TDRD5: variants seen among roughly 807,000 people sequenced by gnomAD.
The protein encoded by TDRD5 is tudor domain-containing protein 5.
Under a neutral mutation model 120.6 loss-of-function variants are expected in TDRD5, and 41 were observed. The observed-to-expected ratio is 0.34, with a 90% CI of 0.26 to 0.44. The LOEUF (loss-of-function observed/expected upper bound fraction) is 0.44. TDRD5 is among the 20% of genes least tolerant of loss of function. The probability of loss-of-function intolerance (pLI) is 1.00; values close to 1 mark genes in which losing one functional copy is unlikely to be tolerated. For synonymous variants in TDRD5, 430 were observed against 433.7 expected, an observed-to-expected ratio of 0.99 and a Z score of 0.11; for missense variants, 1,006 against 1,221.2, an observed-to-expected ratio of 0.82 and a Z score of 2.63.
chr1:179,677,078 G>A (rs1558425591), intron 17 of TDRD5, among the ~76,000 whole-genome samples: 1 of 152,102 alleles, frequency 6.6e-6, no homozygotes. Context: ...TGATGGATCA[G>A]GTTAATTCAA....
intron 5 of TDRD5, among the ~76,000 whole-genome samples, chr1:179,619,316 T>G (rs890634593): frequency 6.6e-6 from 1 of 152,218 alleles, no homozygotes; most frequent in Admixed American, 6.5e-5. Flanking sequence ...GTCACATATA[T>G]TTTTTATGTG....
At chr1:179,675,436 C>T (rs1256099750) in intron 17 of TDRD5, among the ~76,000 whole-genome samples, 4 of 149,690 alleles carry the variant, frequency 2.7e-5, no homozygotes, top group African/African-American at 4.9e-5. Flanking sequence ...CCCACCACCA[C>T]GCCCGGCTAA....
chr1:179,656,806 C>T (rs1213686262), intron 14 of TDRD5, among the ~76,000 whole-genome samples: 1 of 152,174 alleles, frequency 6.6e-6, no homozygotes, highest in Non-Finnish European at 1.5e-5. Flanking sequence ...AATCCTAGCA[C>T]TTTGGGAGGC....
intron 17 of TDRD5, among the ~76,000 whole-genome samples, chr1:179,676,737 C>T (rs1437345467): frequency 6.6e-6 from 1 of 152,174 alleles, no homozygotes; most frequent in Non-Finnish European, 1.5e-5. Flanking sequence ...GATAGATTTT[C>T]CTTTGTAGGT....
At chr1:179,634,028 C>T (rs1026905933) in intron 7 of TDRD5, among the ~76,000 whole-genome samples, 4 of 151,606 alleles carry the variant, frequency 2.6e-5, no homozygotes, top group Non-Finnish European at 4.4e-5. Context: ...GAAATTAGCC[C>T]GGCATGGTGG....
At chr1:179,679,127 GTTGC>G (rs1680298237) in intron 17 of TDRD5, among the ~76,000 whole-genome samples, 1 of 152,120 alleles carries the variant, frequency 6.6e-6, no homozygotes, top group South Asian at 2.1e-4. Flanking sequence ...TGGTTATGCT[GTTGC>G]TTGTTTTAAT....
chr1:179,617,686 C>G (rs1452253817), intron 4 of TDRD5, among the ~76,000 whole-genome samples: 2 of 151,866 alleles, frequency 1.3e-5, no homozygotes, highest in Non-Finnish European at 2.9e-5. Context: ...TACAATCTTT[C>G]ACTCTGCTTT....
chr1:179,615,490 A>G (rs978420227), intron 4 of TDRD5, among the ~76,000 whole-genome samples: 5 of 152,116 alleles, frequency 3.3e-5, no homozygotes, highest in Admixed American at 1.3e-4. Flanking sequence ...CTGAGGTCCT[A>G]TAAGCTCCTA....
At chr1:179,666,778 C>T (rs1679576608) in intron 16 of TDRD5, among the ~76,000 whole-genome samples, 1 of 152,176 alleles carries the variant, frequency 6.6e-6, no homozygotes, top group Non-Finnish European at 1.5e-5. Context: ...TAAGAGTACT[C>T]CAGTTTGTCC....
intron 11 of TDRD5, among the ~76,000 whole-genome samples, chr1:179,640,884 C>T (rs1040163707): frequency 1.3e-4 from 20 of 152,266 alleles, no homozygotes; most frequent in African/African-American, 4.6e-4. Flanking sequence ...AAATAGGAGC[C>T]TAATGTGAAG....
chr1:179,637,356 A>G (rs550062434), intron 9 of TDRD5, among the ~76,000 whole-genome samples: 1 of 152,300 alleles, frequency 6.6e-6, no homozygotes, highest in Non-Finnish European at 1.5e-5. Flanking sequence ...GCCTAGTTGT[A>G]TTATCTCCAA....
intron 5 of TDRD5, among the ~76,000 whole-genome samples, chr1:179,620,379 A>C (rs2101970593): frequency 6.6e-6 from 1 of 152,298 alleles, no homozygotes; most frequent in African/African-American, 2.4e-5. Flanking sequence ...AGTATGCAGA[A>C]CTCAAGCATG....
chr1:179,620,110 C>T (rs12025031), intron 5 of TDRD5, among the ~76,000 whole-genome samples: 13,683 of 152,072 alleles, frequency 0.09, 680 homozygotes, highest in Middle Eastern at 0.12. Flanking sequence ...ATAGTGTGTT[C>T]AGAATTGTTC....
At chr1:179,669,115 T>C in intron 16 of TDRD5, 79 bp from the exon 17 acceptor site, 1 of 1,266,554 alleles carries the variant, frequency 7.9e-7, no homozygotes, top group Non-Finnish European at 1.1e-6. Context: ...TGTATTTTGC[T>C]TATAAGTAAG....
chr1:179,655,065 T>C (rs1678928146), intron 14 of TDRD5, among the ~76,000 whole-genome samples: 1 of 152,220 alleles, frequency 6.6e-6, no homozygotes, highest in Non-Finnish European at 1.5e-5. Flanking sequence ...CCCCTATATT[T>C]CCTGTTTCCC....
At chr1:179,668,322 C>A (rs1003193722) in intron 16 of TDRD5, among the ~76,000 whole-genome samples, 1 of 152,170 alleles carries the variant, frequency 6.6e-6, no homozygotes, top group Non-Finnish European at 1.5e-5. Flanking sequence ...TGACTGAGGA[C>A]TGAGTGCCCC....
intron 4 of TDRD5, among the ~76,000 whole-genome samples, chr1:179,609,736 T>C (rs1676181133): frequency 6.6e-6 from 1 of 152,206 alleles, no homozygotes; most frequent in Non-Finnish European, 1.5e-5. Flanking sequence ...CTACTGTTCC[T>C]AGCCCTGTGT....
chr1:179,612,545 G>A (rs927865037), intron 4 of TDRD5, among the ~76,000 whole-genome samples: 93 of 152,238 alleles, frequency 6.1e-4, no homozygotes, highest in African/African-American at 2.2e-3. Flanking sequence ...AGATTACGTT[G>A]CTTTCTATTA....
intron 9 of TDRD5, among the ~76,000 whole-genome samples, chr1:179,639,225 T>C (rs1231192899): frequency 1.3e-5 from 2 of 152,140 alleles, no homozygotes; most frequent in African/African-American, 4.8e-5. Flanking sequence ...ATTTTTATCA[T>C]CCCCATCCTA....
Sources: allele counts gnomAD v4.1 joint callset (sites outside exome capture counted in the v4.1 genomes callset), GRCh38; gene constraint gnomAD v4.1.1; transcripts MANE v1.5; gene names NCBI Gene and HGNC (gene_info 2026-07-23, HGNC 2026-07-21).